Variants in FAM168A observed in about 807,000 individuals in gnomAD.
FAM168A encodes the protein protein FAM168A.
FAM168A carries 3 observed loss-of-function variants against 28.5 expected under a neutral mutation model. That is an observed-to-expected ratio of 0.11 (90% confidence interval 0.05 to 0.27). The LOEUF is 0.27. Ranked by LOEUF, FAM168A falls within the 10% of genes least tolerant of loss-of-function variation. The pLI, the probability that FAM168A is intolerant of heterozygous loss-of-function variation, is 1.00. For synonymous variants in FAM168A, 122 were observed against 124.2 expected, an observed-to-expected ratio of 0.98 and a Z score of 0.12; for missense variants, 222 against 311.5, an observed-to-expected ratio of 0.71 and a Z score of 2.16.
chr11:73,522,581 C>A (rs1943396024), intron 1 of FAM168A, among the ~76,000 whole-genome samples: 1 of 151,854 alleles, frequency 6.6e-6, no homozygotes, highest in African/African-American at 2.4e-5. Context: ...CATGATCCAC[C>A]CACCTCAGCC....
intron 3 of FAM168A, among the ~76,000 whole-genome samples, chr11:73,425,851 T>C (rs187041901): frequency 5.3e-5 from 8 of 152,352 alleles, no homozygotes; most frequent in Admixed American, 5.2e-4. Flanking sequence ...CTCCCAAATC[T>C]ACTGGTTTTT....
At chr11:73,551,752 A>G (rs1383975353) in intron 1 of FAM168A, among the ~76,000 whole-genome samples, 1 of 152,222 alleles carries the variant, frequency 6.6e-6, no homozygotes, top group Non-Finnish European at 1.5e-5. Context: ...GCAAATTGAC[A>G]TTTTTTAATT....
At chr11:73,432,269 C>G (rs1281106894) in intron 2 of FAM168A, among the ~76,000 whole-genome samples, 1 of 152,128 alleles carries the variant, frequency 6.6e-6, no homozygotes, top group Non-Finnish European at 1.5e-5. Context: ...TACCTGTTTT[C>G]AAATCTTTGG....
chr11:73,479,791 C>T (rs1867943369), intron 1 of FAM168A, among the ~76,000 whole-genome samples: 1 of 152,080 alleles, frequency 6.6e-6, no homozygotes. Context: ...GGAAAAGGGC[C>T]TGATATTAAA....
chr11:73,474,024 G>A (rs1405596827), intron 1 of FAM168A, among the ~76,000 whole-genome samples: 1 of 151,970 alleles, frequency 6.6e-6, no homozygotes, highest in Non-Finnish European at 1.5e-5. Context: ...TGGCCAGGCT[G>A]GTCTCAAACT....
chr11:73,527,353 C>T (rs1179488296), intron 1 of FAM168A, among the ~76,000 whole-genome samples: 1 of 152,092 alleles, frequency 6.6e-6, no homozygotes, highest in Non-Finnish European at 1.5e-5. Flanking sequence ...ATGTATTAAG[C>T]CCTGACCCAT....
chr11:73,459,889 T>TTC, intron 2 of FAM168A, among the ~76,000 whole-genome samples: 1 of 147,170 alleles, frequency 6.8e-6, no homozygotes. Flanking sequence ...ATTTTTTTTT[T>TTC]TTTTTTTTTT....
intron 1 of FAM168A, among the ~76,000 whole-genome samples, chr11:73,579,726 CTA>C (rs1031767318): frequency 3.2e-4 from 48 of 152,182 alleles, no homozygotes; most frequent in African/African-American, 8.9e-4. Context: ...TACAAAGTAA[CTA>C]TTATTTTTCT....
intron 1 of FAM168A, among the ~76,000 whole-genome samples, chr11:73,470,034 C>T (rs556389740): frequency 6.6e-6 from 1 of 152,182 alleles, no homozygotes; most frequent in South Asian, 2.1e-4. Flanking sequence ...GCCTCAGCCT[C>T]CCGAGTAGCT....
chr11:73,445,419 C>CTTTGTTTTTTT (rs1867285026), intron 2 of FAM168A, among the ~76,000 whole-genome samples: 1 of 50,432 alleles, frequency 2.0e-5, no homozygotes, highest in African/African-American at 7.1e-5. Context: ...AAAAATGTCT[C>CTTTGTTTTTTT]TTTTTTTTTT....
intron 2 of FAM168A, among the ~76,000 whole-genome samples, chr11:73,452,556 G>C (rs1867450477): frequency 6.6e-6 from 1 of 152,210 alleles, no homozygotes; most frequent in South Asian, 2.1e-4. Context: ...TGAGTGGGAG[G>C]CACTTGGGCC....
At chr11:73,550,056 A>C (rs2134690755) in intron 1 of FAM168A, among the ~76,000 whole-genome samples, 1 of 152,368 alleles carries the variant, frequency 6.6e-6, no homozygotes, top group East Asian at 1.9e-4. Flanking sequence ...ATATCGTTTC[A>C]TACGCTATGA....
intron 1 of FAM168A, among the ~76,000 whole-genome samples, chr11:73,486,478 TATTTC>T (rs1565266634): frequency 6.6e-6 from 1 of 152,238 alleles, no homozygotes; most frequent in Non-Finnish European, 1.5e-5. Context: ...CTGACTGGCT[TATTTC>T]ATTTAGCATA....
chr11:73,549,562 G>A (rs1369237973), intron 1 of FAM168A, among the ~76,000 whole-genome samples: 1 of 152,138 alleles, frequency 6.6e-6, no homozygotes. Flanking sequence ...GTGTGTTCCC[G>A]GAGGCACAAA....
chr11:73,571,985 C>T (rs564794426), intron 1 of FAM168A, among the ~76,000 whole-genome samples: 7,374 of 151,162 alleles, frequency 0.049, 227 homozygotes, highest in Non-Finnish European at 0.076. Context: ...CCAGCCGCCC[C>T]GTCTGAGAAG....
chr11:73,559,213 G>A (rs1231291839), intron 1 of FAM168A, among the ~76,000 whole-genome samples: 1 of 152,150 alleles, frequency 6.6e-6, no homozygotes, highest in African/African-American at 2.4e-5. Flanking sequence ...TTCGAGACCG[G>A]CCTGGCCAAC....
At chr11:73,436,428 A>G (rs78202807) in intron 2 of FAM168A, among the ~76,000 whole-genome samples, 2,403 of 152,268 alleles carry the variant, frequency 0.016, 61 homozygotes, top group African/African-American at 0.055. Flanking sequence ...GAGAATACTT[A>G]GGCAATGAAG....
intron 2 of FAM168A, among the ~76,000 whole-genome samples, chr11:73,460,396 C>T (rs902178427): frequency 3.9e-5 from 6 of 152,086 alleles, no homozygotes; most frequent in Non-Finnish European, 7.4e-5. Context: ...TTCTTCTCCC[C>T]CCTTTCTTCC....
chr11:73,498,080 G>A (rs1854929260), intron 1 of FAM168A, among the ~76,000 whole-genome samples: 1 of 152,154 alleles, frequency 6.6e-6, no homozygotes, highest in Non-Finnish European at 1.5e-5. Flanking sequence ...ATGCTCTAAT[G>A]AGGCCGACTA....
Sources: allele counts gnomAD v4.1 joint callset (sites outside exome capture counted in the v4.1 genomes callset), GRCh38; gene constraint gnomAD v4.1.1; transcripts MANE v1.5; gene names NCBI Gene and HGNC (gene_info 2026-07-23, HGNC 2026-07-21).